Variants in TSBP1 observed in about 807,000 individuals in gnomAD.
TSBP1 encodes the protein testis expressed basic protein 1.
In TSBP1, 56 loss-of-function variants were observed where a neutral mutation model predicts 68.8. The ratio of observed to expected loss-of-function variants is 0.81; its 90% CI spans 0.66 to 1.02. The LOEUF is 1.02. Ranked by LOEUF, TSBP1 falls within the 50% of genes least tolerant of loss-of-function variation. The pLI is 0.00. For synonymous variants in TSBP1, 171 were observed against 208.7 expected, an observed-to-expected ratio of 0.82 and a Z score of 1.56; for missense variants, 502 against 641.2, an observed-to-expected ratio of 0.78 and a Z score of 2.34.
chr6:32,297,203 AT>A (rs1272173798), intron 22 of TSBP1, among the ~76,000 whole-genome samples: 4 of 152,154 alleles, frequency 2.6e-5, no homozygotes, highest in Non-Finnish European at 5.9e-5. Flanking sequence ...CTTGGACCTC[AT>A]AATCATCTAA....
At chr6:32,370,867 G>GAGAGAA (rs1179142697) in intron 1 of TSBP1, among the ~76,000 whole-genome samples, 1 of 151,228 alleles carries the variant, frequency 6.6e-6, no homozygotes, top group African/African-American at 2.4e-5. Flanking sequence ...GAGAGAGAGA[G>GAGAGAA]AGAAAGGAAA....
At position 32,343,957 on chromosome 6, in the gene TSBP1, C is replaced by G. The variant is rs962631835; in HGVS notation, c.350-4319G>C. Among the ~76,000 whole-genome samples the G allele has an allele frequency of 8.0e-5, 12 of 150,562 alleles. No individual in the cohort carries two copies. Among genetic ancestry groups the G allele is most frequent in the African/African-American group, 3.0e-4 (12 of 40,004 alleles). On this transcript the variant is annotated intron_variant, in intron 9 of 22. Coordinates refer to ENST00000612031, the Ensembl canonical transcript of TSBP1. This position sits in a 1 kb window ranked among gnomAD's most constrained non-coding sequence, Gnocchi z 4.3. ...TTTGATAGTAATTTGTACAAGCTACCATAGAATGAACCCTCACTATATTCA... is the reference window on the plus strand; with the variant it reads ...TTTGATAGTAATTTGTACAAGCTACGATAGAATGAACCCTCACTATATTCA...
Position 32,335,354 on chromosome 6 carries a change from G to A in TSBP1, c.472+83C>T. The A allele has an allele frequency of 3.0e-6, 4 of 1,318,738 alleles. No individual in the cohort carries two copies. The highest frequency in any genetic ancestry group is 4.0e-6 in the Non-Finnish European group (4 of 988,390). 81.7% of individuals were successfully genotyped at this position (1,318,738 alleles called of 1,614,324 possible). On this transcript the variant is annotated intron_variant, in intron 14 of 22. Transcript: ENST00000612031. This position sits in a 1 kb window ranked among gnomAD's most constrained non-coding sequence, Gnocchi z 5.5. ...GAAGGACTTGATCCTTGAGTCCTTG[G>A]GCATGAATAATTGAAATAAAAATAG... is the stretch of plus-strand genomic sequence containing the variant.
intron 8 of TSBP1, 103 bp from the exon 9 acceptor site, chr6:32,349,863 G>A (rs1771520113): frequency 8.0e-7 from 1 of 1,251,584 alleles, no homozygotes; most frequent in African/African-American, 1.5e-5. Context: ...AAAGAGGATA[G>A]AAATGAGTCA....
At chr6:32,367,551 T>A (rs1773893259) in intron 4 of TSBP1, among the ~76,000 whole-genome samples, 2 of 152,218 alleles carry the variant, frequency 1.3e-5, no homozygotes. Flanking sequence ...GGGGATAAGC[T>A]TTGTTTACCT....
At chr6:32,323,682 GT>G (rs527323943) in intron 16 of TSBP1, 68 bp from the exon 18 acceptor site, 1 of 1,446,344 alleles carries the variant, frequency 6.9e-7, no homozygotes, top group South Asian at 1.2e-5. Context: ...TATGTAGAGA[GT>G]TTCTTCTTGG....
intron 18 of TSBP1, among the ~76,000 whole-genome samples, chr6:32,319,745 G>C (rs509697): frequency 0.019 from 2,869 of 150,480 alleles, 50 homozygotes; most frequent in East Asian, 0.12. Flanking sequence ...CTGACATTTA[G>C]TATATGTTTA....
chr6:32,342,169 CT>C (rs9281744), intron 9 of TSBP1, among the ~76,000 whole-genome samples: 2,153 of 138,658 alleles, frequency 0.016, 32 homozygotes, highest in Admixed American at 0.033. Context: ...CTTCTCTGTT[CT>C]TTTTTTTTTT....
chr6:32,327,453 G>A (rs1271633180), intron 16 of TSBP1, among the ~76,000 whole-genome samples: 1 of 152,108 alleles, frequency 6.6e-6, no homozygotes, highest in East Asian at 1.9e-4. Context: ...GTGCATGTCC[G>A]GCCTTACGTG....
chr6:32,356,200 T>C (rs1351661882), intron 6 of TSBP1, among the ~76,000 whole-genome samples: 1 of 152,220 alleles, frequency 6.6e-6, no homozygotes, highest in Non-Finnish European at 1.5e-5. Flanking sequence ...TAAATAGTAA[T>C]ATTGATACTT....
rs763740695 is a variant in TSBP1, at chr6:32,292,928, A to T, written c.*53T>A. 1.0e-5 allele frequency: 11 copies of T among 1,048,812 alleles called. 1 individual carries two copies. The highest frequency in any genetic ancestry group is 1.6e-5 in the Non-Finnish European group (11 of 700,466). 65.0% of individuals were successfully genotyped at this position (1,048,812 alleles called of 1,614,324 possible). On this transcript the variant is annotated 3_prime_UTR_variant, in exon 23 of 23. Transcript: ENST00000612031. The surrounding 1 kb of genome is among the most constrained non-coding windows in gnomAD (Gnocchi z 4.1). ...TGGCTGGGATATGGTTTGTATCTGG[A>T]GTATGGGAATCATAATAATCACTTG... is the stretch of plus-strand genomic sequence containing the variant.
Position 32,335,467 on chromosome 6 carries a change from A to AT in TSBP1, c.452-11_452-10insA. 6.1e-6 allele frequency: 9 copies of AT among 1,474,704 alleles called. No homozygotes were observed. The highest frequency in any genetic ancestry group is 8.1e-6 in the Non-Finnish European group (9 of 1,106,450). The allele number at this position is 1,474,704 out of a possible 1,614,324, so 91.4% of individuals were successfully genotyped here. A position where few individuals can be genotyped will look rare whatever the true frequency, so the allele number is the denominator to read the frequency against. ...GTTTTTTGAGAGAGCTCTAAAAAAA[A>AT]AAGAGAAAAGAAATCAGTAGCTATA... On this transcript the variant is annotated splice_polypyrimidine_tract_variant and intron_variant, in intron 13 of 22. Transcript: ENST00000612031. This position sits in a 1 kb window ranked among gnomAD's most constrained non-coding sequence, Gnocchi z 5.5.
chr6:32,311,907 T>C (rs1266328268), intron 19 of TSBP1, among the ~76,000 whole-genome samples: 2 of 152,144 alleles, frequency 1.3e-5, no homozygotes, highest in Non-Finnish European at 2.9e-5. Flanking sequence ...CAGAGTGTCC[T>C]TGTTCTGTGA....
At position 32,333,873 on chromosome 6, in the gene TSBP1, T is replaced by G. The variant is rs1769344834; in HGVS notation, c.472+1564A>C. ...TCCTCGAACTTTTAACTCTGAATTT[T>G]TTTTTTCCTGTGTAAAACACCTGGA... On this transcript the variant is annotated intron_variant, in intron 14 of 22. Transcript: ENST00000612031. The surrounding 1 kb of genome is among the most constrained non-coding windows in gnomAD (Gnocchi z 4.2). 1.2e-5 allele frequency: 2 copies of G among 160,884 alleles called. No individual in the cohort carries two copies. Among genetic ancestry groups the G allele is most frequent in the African/African-American group, 2.4e-5 (1 of 41,564 alleles). The allele number at this position is 160,884 out of a possible 1,614,324, so 10.0% of individuals were successfully genotyped here.
chr6:32,315,730 A>G lies in TSBP1; in HGVS notation c.580+42T>C. 1.5e-6 allele frequency: 2 copies of G among 1,378,774 alleles called. No individual in the cohort carries two copies. Among genetic ancestry groups the G allele is most frequent in the Non-Finnish European group, 2.0e-6 (2 of 1,018,042 alleles). 85.4% of individuals were successfully genotyped at this position (1,378,774 alleles called of 1,614,324 possible). A position where few individuals can be genotyped will look rare whatever the true frequency, so the allele number is the denominator to read the frequency against. ...ATACTTAGAAGTGGAAACATCTAAC[A>G]TAAATCTCCACATATGACCAGCTGA... On this transcript the variant is annotated intron_variant, in intron 19 of 22. Coordinates refer to ENST00000612031, the Ensembl canonical transcript of TSBP1. The surrounding 1 kb of genome is among the most constrained non-coding windows in gnomAD (Gnocchi z 5.4).
Position 32,337,774 on chromosome 6 carries a change from G to A in TSBP1, c.410-1139C>T, listed in dbSNP as rs953071306. On this transcript the variant is annotated intron_variant, in intron 11 of 22. Transcript: ENST00000612031. The surrounding 1 kb of genome is among the most constrained non-coding windows in gnomAD (Gnocchi z 5.5). ...GCCTCCCAAAGTGCTGGGATTACAT[G>A]TATGAGCCACTGTGCTTGGCCTAAT... Among the ~76,000 whole-genome samples the A allele has an allele frequency of 2.6e-5, 4 of 152,108 alleles. No individual in the cohort carries two copies. The highest frequency in any genetic ancestry group is 1.9e-4 in the East Asian group (1 of 5,186).
At position 32,327,899 on chromosome 6, in the gene TSBP1, C is replaced by T. The variant is rs866593332; in HGVS notation, c.514+2690G>A. On this transcript the variant is annotated intron_variant, in intron 16 of 22. Transcript: ENST00000612031. Reference sequence around the variant, plus strand: ...CTCTGGCTCCTGGGTTCATGCCATTCTCCTGCCTCAGCCTCCCAAGTACCT... The same window carrying T: ...CTCTGGCTCCTGGGTTCATGCCATTTTCCTGCCTCAGCCTCCCAAGTACCT... Among the ~76,000 whole-genome samples, 46 of 151,784 alleles carry T rather than the reference C, an allele frequency of 3.0e-4. 1 individual carries two copies. The highest frequency in any genetic ancestry group is 1.1e-3 in the African/African-American group (45 of 41,424).
intron 19 of TSBP1, among the ~76,000 whole-genome samples, chr6:32,308,957 C>CCTTTTTTTTTTTTTTTTT (rs1562075680): frequency 8.2e-6 from 1 of 122,050 alleles, no homozygotes. Flanking sequence ...TTTCTTCCTG[C>CCTTTTTTTTTTTTTTTTT]TTTTTTTTTT....
chr6:32,346,557 C>G (rs1400543418), intron 9 of TSBP1, among the ~76,000 whole-genome samples: 1 of 151,712 alleles, frequency 6.6e-6, no homozygotes, highest in East Asian at 1.9e-4. Context: ...GTATCTCAAG[C>G]CTGGGTGCGG....
Sources: allele counts gnomAD v4.1 joint callset (sites outside exome capture counted in the v4.1 genomes callset), GRCh38; gene constraint gnomAD v4.1.1; non-coding constraint Gnocchi (gnomAD v3.1); transcripts MANE v1.5; gene names NCBI Gene and HGNC (gene_info 2026-07-23, HGNC 2026-07-21).